The following NDUFS1 variants were observed in gnomAD, a reference collection of about 807,000 sequenced individuals.
NDUFS1 encodes NADH-ubiquinone oxidoreductase 75 kDa subunit, mitochondrial.
In NDUFS1, 61 loss-of-function variants were observed where a neutral mutation model predicts 84.4. The ratio of observed to expected loss-of-function variants is 0.72; its 90% CI spans 0.59 to 0.89. NDUFS1 has a LOEUF of 0.89. Ranked by LOEUF, NDUFS1 falls within the 40% of genes least tolerant of loss-of-function variation. NDUFS1 has a pLI of 0.00. For synonymous variants in NDUFS1, 275 were observed against 290.0 expected (o/e 0.95, Z 0.53); for missense variants, 891 against 890.0 (o/e 1.00, Z -0.01).
intron 18 of NDUFS1, 142 bp downstream of exon 18, chr2:206,126,397 G>A (rs896827911): frequency 3.3e-5 from 27 of 812,830 alleles, no homozygotes; most frequent in South Asian, 1.1e-4. Context: ...ATATGCTTAC[G>A]TTAGTTCCAA....
chr2:206,147,431 A>C (rs571342530), intron 7 of NDUFS1, 100 bp downstream of exon 7: 59 of 1,241,098 alleles, frequency 4.8e-5, no homozygotes, highest in Middle Eastern at 4.9e-4. Flanking sequence ...TCTCCCACCC[A>C]AAAAAAGTAG....
In NDUFS1 at chr2:206,127,921, G is replaced by C. The variant is rs768294996; in HGVS notation, c.1760C>G (p.Ala587Gly). Residue 587 changes from alanine (A) to glycine (G), a missense_variant, in exon 16 of 19, where the codon GCT (alanine) becomes GGT (glycine). Ala to Gly is a moderately conservative substitution (Grantham distance 60). Coordinates refer to ENST00000233190, the MANE Select transcript of NDUFS1 (RefSeq NM_005006.7). ...TGTAGCAGACTTCTCTGTGTAAGCA[G>C]CTCCTGGGAGAATAACATCAGCTAT... ...APIADVILPG[A>G]AYTEKSATYV... is the part of the protein sequence containing the mutation. 1 of 1,614,156 alleles carries C rather than the reference G, an allele frequency of 6.2e-7. No individual in the cohort carries two copies. Among genetic ancestry groups the C allele is most frequent in the Admixed American group, 1.7e-5 (1 of 60,024 alleles).
chr2:206,148,832 C>T (rs1692258551), intron 5 of NDUFS1, among the ~76,000 whole-genome samples, 188 bp downstream of exon 5: 1 of 152,150 alleles, frequency 6.6e-6, no homozygotes, highest in South Asian at 2.1e-4. Flanking sequence ...TCCTAAAGCT[C>T]AATACCATAA....
intron 13 of NDUFS1, among the ~76,000 whole-genome samples, chr2:206,136,559 G>A (rs997476695): frequency 4.0e-5 from 6 of 149,974 alleles, no homozygotes; most frequent in Non-Finnish European, 7.4e-5. Flanking sequence ...TCAGGCTCCC[G>A]AGTAGCTGGG....
At position 206,133,012 on chromosome 2, in the gene NDUFS1, T is replaced by C; in HGVS notation, c.1486A>G (p.Ile496Val). 1 of 1,613,966 alleles carries C rather than the reference T, an allele frequency of 6.2e-7. No individual in the cohort carries two copies. Among genetic ancestry groups the C allele is most frequent in the Non-Finnish European group, 8.5e-7 (1 of 1,179,910 alleles). ...CTAGTCATCCGAATCTTTTGTGCAA[T>C]GCTAGAAACAGCTGCAAGAATTGCT... is the stretch of plus-strand genomic sequence containing the variant. ...GAAILAAVSS[I>V]AQKIRMTSGV... The change falls in exon 14 of 19, where the codon ATT becomes GTT. Residue 496 changes from isoleucine to valine, a missense_variant. Physicochemically the swap from Ile to Val is conservative, Grantham distance 29. Coordinates refer to ENST00000233190, the MANE Select transcript of NDUFS1 (RefSeq NM_005006.7).
rs1350480795 is a variant in NDUFS1, at chr2:206,116,377, ACAGTAAC to A, written c.*7801_*7807del. On this transcript the variant is annotated 3_prime_UTR_variant, in exon 19 of 19. Coordinates refer to ENST00000233190, the MANE Select transcript of NDUFS1 (RefSeq NM_005006.7). Reference sequence around the variant, plus strand: ...ATTTTGTCCCAACTTCAGGCAGATTACAGTAACCAGACGGCGCCCATCCCAAGCTGCC... The same window carrying A: ...ATTTTGTCCCAACTTCAGGCAGATTACAGACGGCGCCCATCCCAAGCTGCC... 6 of 825,296 alleles carry A rather than the reference ACAGTAAC, an allele frequency of 7.3e-6. No individual in the cohort carries two copies. The East Asian group carries it at 1.0e-4, about 14-fold the overall frequency. 51.1% of individuals were successfully genotyped at this position (825,296 alleles called of 1,614,324 possible).
chr2:206,158,963 G>A lies in NDUFS1; in HGVS notation c.-5+378C>T, dbSNP rs996885948. 3.7e-5 allele frequency: 34 copies of A among 919,432 alleles called. No individual in the cohort carries two copies. In the Admixed American group the frequency reaches 7.6e-4, roughly 21 times the overall value. The allele number at this position is 919,432 out of a possible 1,614,324, so 57.0% of individuals were successfully genotyped here. On this transcript the variant is annotated intron_variant, in intron 1 of 18. Transcript: ENST00000233190. ...CACTGTATCAGGCGTGTAAAAATCT[G>A]GGGGGAAAGGCTTAGTCTTAAGGCC...
rs758167142 is a variant in NDUFS1, at chr2:206,117,968, C to T, written c.*6217G>A. The T allele has an allele frequency of 6.6e-6, 1 of 152,200 alleles. No homozygotes were observed. The highest frequency in any genetic ancestry group is 2.4e-5 in the African/African-American group (1 of 41,446). The allele number at this position is 152,200 out of a possible 1,614,324, so 9.4% of individuals were successfully genotyped here. A position where few individuals can be genotyped will look rare whatever the true frequency, so the allele number is the denominator to read the frequency against. Reference sequence around the variant, plus strand: ...AGGTGCCAATACTGTAAATTAATCACCAGTCTCAGATCATATATTTGCCAT... The same window carrying T: ...AGGTGCCAATACTGTAAATTAATCATCAGTCTCAGATCATATATTTGCCAT... On this transcript the variant is annotated 3_prime_UTR_variant, in exon 19 of 19. Transcript: ENST00000233190.
chr2:206,129,142 AGTTT>A (rs1691408072), intron 15 of NDUFS1, among the ~76,000 whole-genome samples: 1 of 152,210 alleles, frequency 6.6e-6, no homozygotes, highest in Admixed American at 6.5e-5. Flanking sequence ...AATAATATAT[AGTTT>A]AATATAATTT....
Position 206,121,223 on chromosome 2 carries a change from T to C in NDUFS1, c.*2962A>G, listed in dbSNP as rs564122803. The C allele has an allele frequency of 2.0e-5, 3 of 152,156 alleles. No homozygotes were observed. Among genetic ancestry groups the C allele is most frequent in the Non-Finnish European group, 2.9e-5 (2 of 68,010 alleles). 9.4% of individuals were successfully genotyped at this position (152,156 alleles called of 1,614,324 possible). On this transcript the variant is annotated 3_prime_UTR_variant, in exon 19 of 19. Transcript: ENST00000233190. ...AAAGAGACTTGATCTTGAGCCTTTGTAGATTTTCTCATTGGTGATTCCTTC... is the reference window on the plus strand; with the variant it reads ...AAAGAGACTTGATCTTGAGCCTTTGCAGATTTTCTCATTGGTGATTCCTTC...
rs1691630819 is a variant in NDUFS1 at position 206,134,399 on chromosome 2, C to T, written c.1393-1294G>A. ...CTGTAATCGCAACACTCTGGGAGGC[C>T]GAAGTGGGTGGATGACTTGAGCCCA... On this transcript the variant is annotated intron_variant, in intron 13 of 18. Coordinates refer to ENST00000233190, the MANE Select transcript of NDUFS1 (RefSeq NM_005006.7). 2.0e-5 allele frequency among the ~76,000 whole-genome samples: 3 copies of T among 152,094 alleles called. No homozygotes were observed. In the South Asian group the frequency reaches 6.2e-4, roughly 32 times the overall value.
In NDUFS1 at chr2:206,133,005, T is replaced by C; in HGVS notation, c.1493A>G (p.Gln498Arg). The C allele has an allele frequency of 3.7e-6, 6 of 1,614,022 alleles. No homozygotes were observed. The highest frequency in any genetic ancestry group is 5.1e-6 in the Non-Finnish European group (6 of 1,179,940). Residue 498 changes from glutamine (Q) to arginine (R), a missense_variant, in exon 14 of 19, where the codon CAA becomes CGA. Transcript: ENST00000233190. ...AACACCACTAGTCATCCGAATCTTT[T>C]GTGCAATGCTAGAAACAGCTGCAAG... ...AILAAVSSIAQKIRMTSGVTG... is the reference protein window; with the variant it reads ...AILAAVSSIARKIRMTSGVTG...
Position 206,145,025 on chromosome 2 carries a change from T to C in NDUFS1, c.739A>G (p.Lys247Glu). The change falls in exon 9 of 19, where the codon AAG (lysine) becomes GAG (glutamate). Residue 247 changes from lysine to glutamate, a missense_variant and splice_region_variant. Transcript: ENST00000233190. ...AFTARPWETR[K>E]TESIDVMDAV... ...TCCATTACATCAATGGATTCTGTCTTTCTGAGAAACACATACGGTGTTTAC... is the reference window on the plus strand; with the variant it reads ...TCCATTACATCAATGGATTCTGTCTCTCTGAGAAACACATACGGTGTTTAC... The C allele has an allele frequency of 6.2e-7, 1 of 1,613,624 alleles. No homozygotes were observed. Among genetic ancestry groups the C allele is most frequent in the East Asian group, 2.2e-5 (1 of 44,864 alleles).
At chr2:206,156,262 CAAAAAAAAAAA>C (rs577904073) in intron 1 of NDUFS1, among the ~76,000 whole-genome samples, 1 of 94,092 alleles carries the variant, frequency 1.1e-5, no homozygotes, top group Non-Finnish European at 2.1e-5. Flanking sequence ...CACTCTGTCT[CAAAAAAAAAAA>C]AAAAAAAAAT....
At position 206,144,086 on chromosome 2, in the gene NDUFS1, C is replaced by A. The variant is rs1457992181; in HGVS notation, c.919G>T (p.Val307Phe). The A allele has an allele frequency of 6.2e-7, 1 of 1,614,062 alleles. No individual in the cohort carries two copies. The highest frequency in any genetic ancestry group is 8.5e-7 in the Non-Finnish European group (1 of 1,179,972). Reference sequence around the variant, plus strand: ...GTTAAAAGCCCTTTTTCATTTCTGACCATTGGCTCGGTAAGTCTTTGACGT... The same window carrying A: ...GTTAAAAGCCCTTTTTCATTTCTGAACATTGGCTCGGTAAGTCTTTGACGT... ...LKRQRLTEPM[V>F]RNEKGLLTYT... Residue 307 changes from valine (V) to phenylalanine (F), a missense_variant, in exon 10 of 19, where the codon GTC becomes TTC. Val to Phe is a conservative substitution (Grantham distance 50, BLOSUM62 -1). Coordinates refer to ENST00000233190, the MANE Select transcript of NDUFS1 (RefSeq NM_005006.7).
intron 11 of NDUFS1, 41 bp from the exon 12 acceptor site, chr2:206,142,110 T>G: frequency 6.6e-7 from 1 of 1,511,550 alleles, no homozygotes; most frequent in Admixed American, 1.7e-5. Flanking sequence ...ACTTTAAAAT[T>G]AAGACATACA....
In NDUFS1 at chr2:206,124,080, A is replaced by C; in HGVS notation, c.*105T>G. 1 of 784,830 alleles carries C rather than the reference A, an allele frequency of 1.3e-6. No individual in the cohort carries two copies. Among genetic ancestry groups the C allele is most frequent in the South Asian group, 1.6e-5 (1 of 64,184 alleles). 48.6% of individuals were successfully genotyped at this position (784,830 alleles called of 1,614,324 possible). ...TATAACCTTAAATATTACATGATTC[A>C]AATTATTATTATTTTTTTTTACAAA... On this transcript the variant is annotated 3_prime_UTR_variant, in exon 19 of 19. Transcript: ENST00000233190.
chr2:206,134,575 A>G (rs1373202011), intron 13 of NDUFS1, among the ~76,000 whole-genome samples: 1 of 151,746 alleles, frequency 6.6e-6, no homozygotes, highest in Non-Finnish European at 1.5e-5. Context: ...GAGCCAGACC[A>G]TCTCAAAAAC....
intron 12 of NDUFS1, among the ~76,000 whole-genome samples, chr2:206,139,312 A>C (rs1691845264): frequency 6.7e-6 from 1 of 149,540 alleles, no homozygotes; most frequent in Non-Finnish European, 1.5e-5. Context: ...CACCCTCCGG[A>C]GTAGCTGGGA....
Sources: gnomAD v4.1 joint callset for allele counts (sites outside exome capture counted in the v4.1 genomes callset) on GRCh38, gnomAD v4.1.1 for gene constraint, MANE v1.5 for transcripts, NCBI Gene and HGNC (gene_info 2026-07-23, HGNC 2026-07-21) for gene names.